STARD13: variants seen among roughly 807,000 people sequenced by gnomAD.
The protein encoded by STARD13 is StAR related lipid transfer domain containing 13, also known as stAR-related lipid transfer protein 13.
In STARD13, 62 loss-of-function variants were observed where a neutral mutation model predicts 106.4. The observed-to-expected ratio is 0.58, with a 90% confidence interval of 0.48 to 0.72. The LOEUF (loss-of-function observed/expected upper bound fraction) is 0.72, where lower values mean the gene tolerates loss of function less well. Among genes scored for constraint, STARD13 ranks in the 30% least tolerant of loss-of-function variants. The pLI is 0.00. For synonymous variants in STARD13, 565 were observed against 553.0 expected, an observed-to-expected ratio of 1.02 and a Z score of -0.31; for missense variants, 1,387 against 1,424.0, an observed-to-expected ratio of 0.97 and a Z score of 0.42.
At chr13:33,185,273 A>T (rs1484422209) in intron 1 of STARD13, among the ~76,000 whole-genome samples, 1 of 152,228 alleles carries the variant, frequency 6.6e-6, no homozygotes, top group South Asian at 2.1e-4. Flanking sequence ...TCACGGGATG[A>T]AGGAAGAATC....
At chr13:33,152,728 C>T (rs1425916186) in intron 3 of STARD13, among the ~76,000 whole-genome samples, 1 of 152,200 alleles carries the variant, frequency 6.6e-6, no homozygotes, top group Non-Finnish European at 1.5e-5. Flanking sequence ...CCTCCCAGCT[C>T]TTTTTGGGAA....
In STARD13 at chr13:33,276,003, C is replaced by T. The variant is rs141155274; in HGVS notation, c.169+9467G>A. On this transcript the variant is annotated intron_variant, in intron 1 of 13. Coordinates refer to ENST00000336934, the MANE Select transcript of STARD13 (RefSeq NM_178006.4). ...ATGAACACAGTCAGTGGAATTCCTTCGCAGGCTTCTTCAAGATATTCTGCA... is the reference window on the plus strand; with the variant it reads ...ATGAACACAGTCAGTGGAATTCCTTTGCAGGCTTCTTCAAGATATTCTGCA... 17 of 152,348 alleles carry T rather than the reference C, an allele frequency of 1.1e-4. No homozygotes were observed. The East Asian group carries it at 1.7e-3, about 16-fold the overall frequency. The allele number at this position is 152,348 out of a possible 1,614,324, so 9.4% of individuals were successfully genotyped here. A position where few individuals can be genotyped will look rare whatever the true frequency, so the allele number is the denominator to read the frequency against.
chr13:33,345,290 G>A (rs1225537694), downstream of STARD13, among the ~76,000 whole-genome samples: 1 of 152,214 alleles, frequency 6.6e-6, no homozygotes, highest in Non-Finnish European at 1.5e-5. Flanking sequence ...TAGGTGCACA[G>A]GGTTATTCTT....
At chr13:33,329,124 G>C (rs1165151310) in intron 1 of STARD13, among the ~76,000 whole-genome samples, 2 of 152,138 alleles carry the variant, frequency 1.3e-5, no homozygotes, top group African/African-American at 4.8e-5. Context: ...TTTCATGAGA[G>C]GTTGAACTTA....
chr13:33,433,422 T>C, the STARD13 span, among the ~76,000 whole-genome samples: 9 of 152,154 alleles, frequency 5.9e-5, no homozygotes, highest in African/African-American at 1.9e-4. Flanking sequence ...CTCTATTACA[T>C]TGGGTTCCAG....
At chr13:33,246,089 C>G (rs569487296) in intron 1 of STARD13, among the ~76,000 whole-genome samples, 2 of 152,286 alleles carry the variant, frequency 1.3e-5, no homozygotes, top group East Asian at 3.9e-4. Context: ...TAAGCTCAAG[C>G]TTGGCAATTT....
the STARD13 span, among the ~76,000 whole-genome samples, chr13:33,451,582 T>G: frequency 6.6e-6 from 1 of 152,118 alleles, no homozygotes; most frequent in Non-Finnish European, 1.5e-5. Context: ...GAGTTTTACT[T>G]TTATACACAT....
the STARD13 span, among the ~76,000 whole-genome samples, chr13:33,598,098 G>T: frequency 5.3e-5 from 8 of 152,092 alleles, no homozygotes; most frequent in African/African-American, 1.9e-4. Flanking sequence ...AGCCATCAAG[G>T]TGTTCATGGT....
downstream of STARD13, among the ~76,000 whole-genome samples, chr13:33,348,412 GAC>G (rs2078038593): frequency 6.6e-6 from 1 of 152,088 alleles, no homozygotes; most frequent in Non-Finnish European, 1.5e-5. Context: ...ATCTTTACAT[GAC>G]ACTCTCTTCC....
At chr13:33,512,986 T>G in the STARD13 span, among the ~76,000 whole-genome samples, 44,046 of 152,130 alleles carry the variant, frequency 0.29, 7,162 homozygotes, top group Middle Eastern at 0.37. Context: ...TACTTTGTTA[T>G]GGCAACCCTA....
the STARD13 span, among the ~76,000 whole-genome samples, chr13:33,361,931 A>T: frequency 2.3e-3 from 345 of 152,296 alleles, no homozygotes; most frequent in African/African-American, 7.8e-3. Context: ...CCATATGAGA[A>T]AATACTATAT....
Position 33,196,354 on chromosome 13 carries a change from T to C in STARD13, c.170-28732A>G, listed in dbSNP as rs1285893832. Among the ~76,000 whole-genome samples, 5 of 152,200 alleles carry C rather than the reference T, an allele frequency of 3.3e-5. No homozygotes were observed. In the East Asian group the frequency reaches 7.7e-4, roughly 23 times the overall value. On this transcript the variant is annotated intron_variant, in intron 1 of 13. Transcript: ENST00000336934. ...GCTGAGATTGCACCACTCTCCAGCCTGGACAATGAAGCGAGACTCTGTCTC... is the reference window on the plus strand; with the variant it reads ...GCTGAGATTGCACCACTCTCCAGCCCGGACAATGAAGCGAGACTCTGTCTC...
chr13:33,668,622 C>A, the STARD13 span, among the ~76,000 whole-genome samples: 1 of 152,150 alleles, frequency 6.6e-6, no homozygotes, highest in East Asian at 1.9e-4. Flanking sequence ...CAGATGGAGA[C>A]TAAAGAGAAC....
the STARD13 span, among the ~76,000 whole-genome samples, chr13:33,527,375 A>G: frequency 6.6e-6 from 1 of 152,132 alleles, no homozygotes; most frequent in Non-Finnish European, 1.5e-5. Context: ...TGCTATGAAT[A>G]GGTAATAGTC....
the STARD13 span, among the ~76,000 whole-genome samples, chr13:33,557,319 A>G: frequency 6.6e-6 from 1 of 152,262 alleles, no homozygotes; most frequent in Admixed American, 6.5e-5. Context: ...GGGCGATGTA[A>G]TGACTTGTGA....
At chr13:33,499,604 T>TTTCTTCTTCTTCTTCTTCTTC in the STARD13 span, among the ~76,000 whole-genome samples, 31 of 39,892 alleles carry the variant, frequency 7.8e-4, 2 homozygotes, top group East Asian at 4.8e-3. Flanking sequence ...CTTCTTCTTC[T>TTTCTTCTTCTTCTTCTTCTTC]TTCTTCTTCT....
At chr13:33,385,778 T>G in the STARD13 span, among the ~76,000 whole-genome samples, 1 of 147,710 alleles carries the variant, frequency 6.8e-6, no homozygotes, top group Non-Finnish European at 1.5e-5. Context: ...GAGAATCACT[T>G]GAGTCCGGGT....
the STARD13 span, among the ~76,000 whole-genome samples, chr13:33,528,674 A>C: frequency 6.6e-6 from 1 of 152,104 alleles, no homozygotes; most frequent in Non-Finnish European, 1.5e-5. Flanking sequence ...ATTAGCAAGA[A>C]AGACACCACT....
chr13:33,203,233 A>G (rs1330694096), intron 1 of STARD13, among the ~76,000 whole-genome samples: 2 of 88,404 alleles, frequency 2.3e-5, no homozygotes, highest in East Asian at 6.8e-4. Context: ...GATTCTCTGT[A>G]CTGGCAGGTC....
Sources: allele counts gnomAD v4.1 joint callset (sites outside exome capture counted in the v4.1 genomes callset), GRCh38; gene constraint gnomAD v4.1.1; transcripts MANE v1.5; gene names NCBI Gene and HGNC (gene_info 2026-07-23, HGNC 2026-07-21).